The following RABGAP1L variants were observed in gnomAD, a reference collection of about 807,000 sequenced individuals.
RABGAP1L encodes the protein rab GTPase-activating protein 1-like.
In RABGAP1L, 63 loss-of-function variants were observed where a neutral mutation model predicts 137.7. That is an observed-to-expected ratio of 0.46 (90% CI 0.37 to 0.56). The LOEUF (loss-of-function observed/expected upper bound fraction) is 0.56, where lower values mean the gene tolerates loss of function less well. RABGAP1L is among the 20% of genes least tolerant of loss of function. RABGAP1L has a pLI of 0.00. For synonymous variants in RABGAP1L, 431 were observed against 433.7 expected, an observed-to-expected ratio of 0.99 and a Z score of 0.08; for missense variants, 1,095 against 1,244.0, an observed-to-expected ratio of 0.88 and a Z score of 1.80.
intron 19 of RABGAP1L, among the ~76,000 whole-genome samples, chr1:174,891,612 C>T (rs1656153194): frequency 1.3e-5 from 2 of 152,042 alleles, no homozygotes; most frequent in African/African-American, 4.8e-5. Context: ...TTTGATCCTC[C>T]CACCTCACCC....
intron 1 of RABGAP1L, among the ~76,000 whole-genome samples, chr1:174,171,712 AAAG>A (rs1665400441): frequency 1.3e-5 from 2 of 151,480 alleles, no homozygotes; most frequent in African/African-American, 4.9e-5. Flanking sequence ...AAAAAAAAAA[AAAG>A]GATTTCGCTG....
At chr1:174,556,769 C>T (rs1287764306) in intron 13 of RABGAP1L, among the ~76,000 whole-genome samples, 1 of 152,188 alleles carries the variant, frequency 6.6e-6, no homozygotes, top group Non-Finnish European at 1.5e-5. Context: ...TTGATAAGTG[C>T]ACATTTCTCC....
At chr1:174,538,676 G>T (rs751616142) in intron 13 of RABGAP1L, among the ~76,000 whole-genome samples, 4 of 151,982 alleles carry the variant, frequency 2.6e-5, no homozygotes, top group Non-Finnish European at 4.4e-5. Context: ...ATCTTTCAAA[G>T]AACTACTTTG....
chr1:174,167,294 G>T (rs1001203803), intron 1 of RABGAP1L, among the ~76,000 whole-genome samples: 2 of 151,960 alleles, frequency 1.3e-5, no homozygotes, highest in African/African-American at 4.8e-5. Flanking sequence ...CATTTTTTTT[G>T]TGTGTGTGGT....
At chr1:174,901,352 CAAT>C (rs1658111628) in intron 19 of RABGAP1L, among the ~76,000 whole-genome samples, 2 of 152,198 alleles carry the variant, frequency 1.3e-5, no homozygotes, top group South Asian at 4.1e-4. Context: ...AGGAAACTTA[CAAT>C]AATGGCAGAA....
chr1:174,499,185 T>G (rs913870369), intron 13 of RABGAP1L, among the ~76,000 whole-genome samples: 5 of 152,132 alleles, frequency 3.3e-5, no homozygotes, highest in African/African-American at 1.2e-4. Flanking sequence ...AGTTCATATA[T>G]TCTTATAGTT....
chr1:174,451,468 C>T (rs527925717), intron 13 of RABGAP1L, among the ~76,000 whole-genome samples: 1 of 152,260 alleles, frequency 6.6e-6, no homozygotes, highest in South Asian at 2.1e-4. Flanking sequence ...ACCTTAAATC[C>T]TCACTACAGC....
intron 11 of RABGAP1L, among the ~76,000 whole-genome samples, chr1:174,319,435 T>G (rs923315953): frequency 3.9e-5 from 6 of 152,176 alleles, no homozygotes; most frequent in Non-Finnish European, 7.4e-5. Context: ...AGCTTTTGTT[T>G]GTTTTATCAA....
intron 18 of RABGAP1L, among the ~76,000 whole-genome samples, chr1:174,754,518 G>A (rs546385926): frequency 6.6e-6 from 1 of 151,796 alleles, no homozygotes; most frequent in Middle Eastern, 3.2e-3. Flanking sequence ...TTTGAGACAG[G>A]GTCTTATTCT....
intron 10 of RABGAP1L, among the ~76,000 whole-genome samples, chr1:174,279,744 C>T (rs1675329853): frequency 6.6e-6 from 1 of 152,028 alleles, no homozygotes; most frequent in African/African-American, 2.4e-5. Flanking sequence ...GTTATGTGAG[C>T]AATATTCAAA....
intron 23 of RABGAP1L, among the ~76,000 whole-genome samples, chr1:174,979,186 A>C (rs1180145317): frequency 6.6e-6 from 1 of 152,230 alleles, no homozygotes; most frequent in South Asian, 2.1e-4. Context: ...CCCTGTCTCT[A>C]AAAAAATAAA....
chr1:174,635,057 A>T (rs1440201922), intron 13 of RABGAP1L, among the ~76,000 whole-genome samples: 1 of 151,196 alleles, frequency 6.6e-6, no homozygotes, highest in Non-Finnish European at 1.5e-5. Context: ...ATAATAAAAT[A>T]AAAAAATAAA....
chr1:174,188,257 T>A (rs1452285835), intron 1 of RABGAP1L, among the ~76,000 whole-genome samples: 1 of 152,206 alleles, frequency 6.6e-6, no homozygotes, highest in East Asian at 1.9e-4. Context: ...TTCAAATCTT[T>A]TAAAATTCTC....
At chr1:174,574,049 G>A (rs533166514) in intron 13 of RABGAP1L, among the ~76,000 whole-genome samples, 1 of 152,328 alleles carries the variant, frequency 6.6e-6, no homozygotes, top group Non-Finnish European at 1.5e-5. Flanking sequence ...ATACACATAA[G>A]AGGCATGCTA....
intron 13 of RABGAP1L, among the ~76,000 whole-genome samples, chr1:174,528,193 G>A (rs1664080412): frequency 6.6e-6 from 1 of 151,514 alleles, no homozygotes; most frequent in Non-Finnish European, 1.5e-5. Flanking sequence ...ATAGTCAATT[G>A]TTTTTGGTTC....
At chr1:174,181,564 C>T (rs1423204989) in intron 1 of RABGAP1L, among the ~76,000 whole-genome samples, 1 of 152,104 alleles carries the variant, frequency 6.6e-6, no homozygotes, top group Non-Finnish European at 1.5e-5. Flanking sequence ...GTCTCGATCT[C>T]ATGACCTCGT....
intron 13 of RABGAP1L, among the ~76,000 whole-genome samples, chr1:174,570,364 C>T (rs548723549): frequency 7.9e-4 from 121 of 152,298 alleles, no homozygotes; most frequent in Non-Finnish European, 9.7e-4. Context: ...ATCTTAGTGA[C>T]TAGTGGTTAA....
intron 13 of RABGAP1L, among the ~76,000 whole-genome samples, chr1:174,434,350 G>T: frequency 6.6e-6 from 1 of 152,010 alleles, no homozygotes; most frequent in East Asian, 1.9e-4. Context: ...GAAATATCAC[G>T]GTTTGTTTAT....
At chr1:174,209,741 T>C (rs913142341) in intron 1 of RABGAP1L, among the ~76,000 whole-genome samples, 4 of 152,148 alleles carry the variant, frequency 2.6e-5, no homozygotes, top group Non-Finnish European at 5.9e-5. Context: ...CATCAAGACC[T>C]TGAGCTGCCA....
Sources: gnomAD v4.1 joint callset for allele counts (sites outside exome capture counted in the v4.1 genomes callset) on GRCh38, gnomAD v4.1.1 for gene constraint, MANE v1.5 for transcripts, NCBI Gene and HGNC (gene_info 2026-07-23, HGNC 2026-07-21) for gene names.